HS1BP3: variants seen among roughly 807,000 people sequenced by gnomAD.
The protein encoded by HS1BP3 is HCLS1 binding protein 3, also known as HCLS1-binding protein 3.
HS1BP3 carries 32 observed loss-of-function variants against 33.5 expected under a neutral mutation model. That is an observed-to-expected ratio of 0.95 (90% confidence interval 0.72 to 1.28). HS1BP3 has a LOEUF of 1.28. Among genes scored for constraint, HS1BP3 ranks in the 50% most tolerant of loss-of-function variants. The pLI is 0.00. For synonymous variants in HS1BP3, 187 were observed against 209.2 expected (o/e 0.89, Z 0.92); for missense variants, 486 against 502.3 (o/e 0.97, Z 0.31).
Position 20,593,207 on chromosome 2 carries a change from T to C in HS1BP3, c.*13-413A>G, listed in dbSNP as rs1438120060. On this transcript the variant is annotated intron_variant, in intron 3 of 3. Coordinates refer to the HS1BP3 transcript ENST00000415264. The stretch of plus-strand genomic sequence containing the variant: ...GTCAGGTTTAGTCAATTGTTTGGTA[T>C]GGCCAGGCCCTCCCTGGCCACATTG... Among the ~76,000 whole-genome samples, 46 of 152,108 alleles carry C rather than the reference T, an allele frequency of 3.0e-4. 1 individual carries two copies. The highest frequency in any genetic ancestry group is 2.8e-3 in the Admixed American group (43 of 15,276).
downstream of HS1BP3, among the ~76,000 whole-genome samples, chr2:20,614,775 CA>C (rs1226780511): frequency 6.6e-6 from 1 of 152,232 alleles, no homozygotes; most frequent in Admixed American, 6.5e-5. Flanking sequence ...CTCTGAAAGT[CA>C]GCAATAAAGA....
At chr2:20,637,042 C>G (rs1452457130) in intron 4 of HS1BP3, 14 of 149,496 alleles carry the variant, frequency 9.4e-5, no homozygotes, top group African/African-American at 2.5e-4. Context: ...CCGCCCCCCC[C>G]GCCCCGCCAA....
chr2:20,569,427 A>T (rs1224905563), intron 5 of HS1BP3, among the ~76,000 whole-genome samples: 1 of 152,230 alleles, frequency 6.6e-6, no homozygotes, highest in Non-Finnish European at 1.5e-5. Context: ...TGACTCCTAC[A>T]TAGGGTGGCC....
rs183630990 is a variant in HS1BP3 at position 20,645,393 on chromosome 2, G to C, written c.145C>G (p.Leu49Val). ...VEYQILVVTR[L>V]AAFKSAKHRP... ...TGCTTGGCCGACTTGAACGCAGCCA[G>C]ACGGGTCACCACCAGGATCTGGTAC... Residue 49 changes from leucine to valine, a missense_variant, in exon 2 of 7, where the codon CTG becomes GTG. Physicochemically the swap from Leu to Val is conservative, Grantham distance 32. Transcript: ENST00000304031. 1.7e-4 allele frequency: 277 copies of C among 1,614,124 alleles called. No individual in the cohort carries two copies. The highest frequency in any genetic ancestry group is 2.2e-4 in the Non-Finnish European group (262 of 1,180,012).
intron 5 of HS1BP3, among the ~76,000 whole-genome samples, chr2:20,586,002 G>A (rs1003023689): frequency 1.8e-4 from 26 of 148,434 alleles, no homozygotes; most frequent in Non-Finnish European, 3.7e-4. Flanking sequence ...CGCAGATTCC[G>A]GCTTTGAGCC....
chr2:20,559,840 G>T (rs1283450376), downstream of HS1BP3, among the ~76,000 whole-genome samples: 1 of 152,332 alleles, frequency 6.6e-6, no homozygotes, highest in East Asian at 1.9e-4. Flanking sequence ...CCTGCCTAGG[G>T]AGGCCTGCTC....
At chr2:20,615,607 A>G (rs1258139156), downstream of HS1BP3, among the ~76,000 whole-genome samples, 1 of 152,238 alleles carries the variant, frequency 6.6e-6, no homozygotes, top group Non-Finnish European at 1.5e-5. Flanking sequence ...ATGTGGGGAC[A>G]TGCTGGTAGC....
chr2:20,560,770 T>A (rs1341882774), intron 5 of HS1BP3, among the ~76,000 whole-genome samples: 1 of 152,078 alleles, frequency 6.6e-6, no homozygotes, highest in African/African-American at 2.4e-5. Flanking sequence ...CCTTCATCCC[T>A]ATGGCCTCCG....
chr2:20,605,742 T>C (rs935981367), intron 2 of HS1BP3, among the ~76,000 whole-genome samples: 1 of 152,256 alleles, frequency 6.6e-6, no homozygotes, highest in Non-Finnish European at 1.5e-5. Flanking sequence ...TTCATCCATG[T>C]CCTAGTGTGT....
At chr2:20,631,850 C>T (rs1397680030) in intron 4 of HS1BP3, among the ~76,000 whole-genome samples, 1 of 152,140 alleles carries the variant, frequency 6.6e-6, no homozygotes, top group Non-Finnish European at 1.5e-5. Context: ...GCGCCCAGTA[C>T]CCCCAAGAGC....
At chr2:20,617,601 C>T (rs1220832932), downstream of HS1BP3, among the ~76,000 whole-genome samples, 3 of 151,626 alleles carry the variant, frequency 2.0e-5, no homozygotes, top group Non-Finnish European at 2.9e-5. Flanking sequence ...GCAAACCACC[C>T]GCACCATCAG....
chr2:20,609,577 G>T (rs556576949), intron 2 of HS1BP3, among the ~76,000 whole-genome samples: 47 of 152,328 alleles, frequency 3.1e-4, no homozygotes, highest in African/African-American at 1.1e-3. Flanking sequence ...CTGTGGATTT[G>T]CTCAGCTGTG....
chr2:20,609,482 C>T (rs1174056323), intron 2 of HS1BP3, among the ~76,000 whole-genome samples: 1 of 152,110 alleles, frequency 6.6e-6, no homozygotes, highest in Non-Finnish European at 1.5e-5. Context: ...CTAGGGAGCA[C>T]ATTGAACAGT....
At chr2:20,565,114 C>T (rs755584081) in intron 5 of HS1BP3, among the ~76,000 whole-genome samples, 8 of 152,200 alleles carry the variant, frequency 5.3e-5, no homozygotes, top group Non-Finnish European at 8.8e-5. Context: ...GCAGGTCCAA[C>T]AGTCTCTGTG....
At chr2:20,587,881 G>T (rs181164802), downstream of HS1BP3, among the ~76,000 whole-genome samples, 5 of 152,234 alleles carry the variant, frequency 3.3e-5, no homozygotes, top group African/African-American at 1.2e-4. Flanking sequence ...TCATGCATGG[G>T]CAGCTCTGTT....
chr2:20,608,741 C>T (rs1393181425), intron 2 of HS1BP3, among the ~76,000 whole-genome samples: 1 of 152,108 alleles, frequency 6.6e-6, no homozygotes, highest in East Asian at 1.9e-4. Context: ...ACTCTGCTGC[C>T]CCAAGGAAAC....
downstream of HS1BP3, among the ~76,000 whole-genome samples, chr2:20,613,630 G>C (rs1231807438): frequency 6.6e-6 from 1 of 152,272 alleles, no homozygotes; most frequent in Non-Finnish European, 1.5e-5. Flanking sequence ...GCTTTTGATA[G>C]AGAGAATTTG....
intron 2 of HS1BP3, among the ~76,000 whole-genome samples, chr2:20,610,472 T>G (rs10208913): frequency 0.6 from 91,622 of 152,014 alleles, 28,081 homozygotes; most frequent in South Asian, 0.7. Flanking sequence ...AACATATATA[T>G]CCTTTTCAGA....
intron 5 of HS1BP3, among the ~76,000 whole-genome samples, chr2:20,564,632 T>TACC (rs1693080517): frequency 6.6e-6 from 1 of 152,148 alleles, no homozygotes; most frequent in Admixed American, 6.5e-5. Flanking sequence ...TACCAGCATG[T>TACC]ACCACCATGC....
Sources: allele counts gnomAD v4.1 joint callset (sites outside exome capture counted in the v4.1 genomes callset), GRCh38; gene constraint gnomAD v4.1.1; transcripts MANE v1.5; gene names NCBI Gene and HGNC (gene_info 2026-07-23, HGNC 2026-07-21).